LRP5: variants seen among roughly 807,000 people sequenced by gnomAD.
The protein encoded by LRP5 is LDL receptor related protein 5.
Under a neutral mutation model 154.1 loss-of-function variants are expected in LRP5, and 62 were observed. The ratio of observed to expected loss-of-function variants is 0.40; its 90% confidence interval spans 0.33 to 0.50. The LOEUF (loss-of-function observed/expected upper bound fraction) is 0.50. Among genes scored for constraint, LRP5 ranks in the 20% least tolerant of loss-of-function variants. The pLI, the probability that LRP5 is intolerant of heterozygous loss-of-function variation, is 0.55. For synonymous variants in LRP5, 966 were observed against 1,011.5 expected (o/e 0.96, Z 0.85); for missense variants, 1,915 against 2,336.7 (o/e 0.82, Z 3.72).
chr11:68,356,087 G>A (rs752609094), intron 2 of LRP5, among the ~76,000 whole-genome samples: 10 of 149,170 alleles, frequency 6.7e-5, no homozygotes, highest in African/African-American at 1.5e-4. Context: ...CTCGTGATCC[G>A]CCCATCTCGG....
intron 4 of LRP5, 51 bp downstream of exon 4, chr11:68,363,994 G>C (rs559615182): frequency 2.8e-6 from 2 of 721,818 alleles, no homozygotes; most frequent in South Asian, 3.9e-5. Flanking sequence ...TGGGGGGAGC[G>C]GGGGCGCGGG....
intron 10 of LRP5, 48 bp from the exon 11 acceptor site, chr11:68,411,388 G>A (rs758875491): frequency 1.8e-5 from 28 of 1,594,448 alleles, no homozygotes; most frequent in Middle Eastern, 2.2e-4. Context: ...ACTGTCCTGC[G>A]GTGAGAGCAG....
At chr11:68,414,759 G>A (rs1398062404) in intron 12 of LRP5, among the ~76,000 whole-genome samples, 4 of 152,134 alleles carry the variant, frequency 2.6e-5, no homozygotes, top group East Asian at 1.9e-4. Flanking sequence ...AGACCTGGTC[G>A]CAGGCGGGGC....
At position 68,441,175 on chromosome 11, in the gene LRP5, C is replaced by T. The variant is rs149258817; in HGVS notation, c.4488+1259C>T. ...CTAACTGCAGCCTCTACCTTCTAGG[C>T]TCAAGCAATCCTCCCATCTCAGCCC... On this transcript the variant is annotated intron_variant, in intron 21 of 22. Coordinates refer to ENST00000294304, the MANE Select transcript of LRP5 (RefSeq NM_002335.4). 2.6e-5 allele frequency among the ~76,000 whole-genome samples: 4 copies of T among 152,228 alleles called. No homozygotes were observed. In the East Asian group the frequency reaches 7.7e-4, roughly 29 times the overall value.
chr11:68,423,565 G>T lies in LRP5; in HGVS notation c.3104G>T (p.Ser1035Ile). 1 of 1,614,222 alleles carries T rather than the reference G, an allele frequency of 6.2e-7. No homozygotes were observed. The highest frequency in any genetic ancestry group is 8.5e-7 in the Non-Finnish European group (1 of 1,180,036). ...CACGACCTCAGCATCGACATCTACA[G>T]CCGGACACTGTTCTGGACGTGCGAG... is the stretch of plus-strand genomic sequence containing the variant. The part of the protein sequence containing the change: ...QPHDLSIDIY[S>I]RTLFWTCEAT... Residue 1035 changes from serine (S) to isoleucine (I), a missense_variant, in exon 14 of 23, where the codon AGC becomes ATC. Around this residue, in one of 3 missense-constraint regions of LRP5, gnomAD observed 1,094 missense variants for 1,210.1 expected, o/e 0.90. Transcript: ENST00000294304. This position sits in a 1 kb window ranked among gnomAD's most constrained non-coding sequence, Gnocchi z 4.7.
At chr11:68,368,687 C>G (rs2098632411) in intron 5 of LRP5, among the ~76,000 whole-genome samples, 1 of 151,970 alleles carries the variant, frequency 6.6e-6, no homozygotes, top group Admixed American at 6.6e-5. Context: ...TTTTTTGTTC[C>G]CCAGCCCTCC....
chr11:68,379,667 A>C (rs1328467281), intron 5 of LRP5, among the ~76,000 whole-genome samples: 1 of 152,212 alleles, frequency 6.6e-6, no homozygotes, highest in Non-Finnish European at 1.5e-5. Flanking sequence ...ATTGACTTGT[A>C]TGCCTTTTAA....
At chr11:68,370,532 C>T (rs370958107) in intron 5 of LRP5, among the ~76,000 whole-genome samples, 28 of 152,270 alleles carry the variant, frequency 1.8e-4, no homozygotes, top group East Asian at 1.4e-3. Context: ...GGGGTTGGAC[C>T]GCTGGACTAG....
At chr11:68,306,138 TTTC>T in the LRP5 span, among the ~76,000 whole-genome samples, 2 of 152,142 alleles carry the variant, frequency 1.3e-5, no homozygotes, top group Non-Finnish European at 2.9e-5. Flanking sequence ...TCTGTCTGCT[TTTC>T]TTTTCTTTTA....
At chr11:68,300,880 G>C in the LRP5 span, among the ~76,000 whole-genome samples, 1 of 149,092 alleles carries the variant, frequency 6.7e-6, no homozygotes, top group East Asian at 1.9e-4. Context: ...TTTCTTTACA[G>C]TGACTATCCA....
the LRP5 span, among the ~76,000 whole-genome samples, chr11:68,301,698 C>T: frequency 1.4e-5 from 2 of 143,836 alleles, 1 homozygote; most frequent in African/African-American, 5.0e-5. Flanking sequence ...TCTCGGCTCA[C>T]TGCAAGCTCC....
intron 16 of LRP5, among the ~76,000 whole-genome samples, chr11:68,426,771 G>A (rs930161255): frequency 1.3e-5 from 2 of 152,204 alleles, no homozygotes; most frequent in South Asian, 2.1e-4. Context: ...CAGGCACAGC[G>A]TGGCTCACCT....
chr11:68,420,348 C>T (rs1314111952), intron 13 of LRP5, among the ~76,000 whole-genome samples: 2 of 152,144 alleles, frequency 1.3e-5, no homozygotes, highest in Non-Finnish European at 2.9e-5. Flanking sequence ...GACATGGTGT[C>T]CTCAAGGTTC....
intron 1 of LRP5, among the ~76,000 whole-genome samples, chr11:68,328,685 C>T (rs1179017071): frequency 6.6e-6 from 1 of 152,242 alleles, no homozygotes; most frequent in African/African-American, 2.4e-5. Flanking sequence ...TCTGCACCTC[C>T]GTCCCTGGAT....
At chr11:68,303,068 C>T in the LRP5 span, among the ~76,000 whole-genome samples, 2 of 152,314 alleles carry the variant, frequency 1.3e-5, no homozygotes, top group African/African-American at 4.8e-5. Flanking sequence ...AGAGAAGGAG[C>T]TGGCCTGGCC....
At position 68,447,469 on chromosome 11, in the gene LRP5, C is replaced by T. The variant is rs568628976; in HGVS notation, c.4586+936C>T. Among the ~76,000 whole-genome samples the T allele has an allele frequency of 2.0e-5, 3 of 152,208 alleles. No homozygotes were observed. Among genetic ancestry groups the T allele is most frequent in the South Asian group, 2.1e-4 (1 of 4,820 alleles). The stretch of plus-strand genomic sequence containing the variant: ...TGCAGCCTCCATTTCCACCCCACTC[C>T]GGGTCGGGCCACCTCCCTGATGCCT... On this transcript the variant is annotated intron_variant, in intron 22 of 22. Coordinates refer to ENST00000294304, the MANE Select transcript of LRP5 (RefSeq NM_002335.4). The surrounding 1 kb of genome is among the most constrained non-coding windows in gnomAD (Gnocchi z 4.3).
At chr11:68,437,036 GCTGGGTTCC>G in intron 19 of LRP5, 37 bp downstream of exon 19, 1 of 1,572,754 alleles carries the variant, frequency 6.4e-7, no homozygotes, top group Non-Finnish European at 8.7e-7. Context: ...GGGCGTCCGG[GCTGGGTTCC>G]CCCAGGAACG....
intron 5 of LRP5, among the ~76,000 whole-genome samples, chr11:68,373,917 C>T (rs531343220): frequency 9.9e-5 from 15 of 152,224 alleles, no homozygotes; most frequent in South Asian, 6.2e-4. Context: ...GTGGGCTTAG[C>T]GGCGTGCACC....
intron 17 of LRP5, among the ~76,000 whole-genome samples, chr11:68,433,330 C>G (rs1378102724): frequency 6.6e-6 from 1 of 152,244 alleles, no homozygotes; most frequent in Non-Finnish European, 1.5e-5. Flanking sequence ...CCAGTTGGCA[C>G]CCTTTCCCTT....
Sources: allele counts gnomAD v4.1 joint callset (sites outside exome capture counted in the v4.1 genomes callset), GRCh38; gene constraint gnomAD v4.1.1; regional missense constraint gnomAD v4.1.1; non-coding constraint Gnocchi (gnomAD v3.1); transcripts MANE v1.5; gene names NCBI Gene and HGNC (gene_info 2026-07-23, HGNC 2026-07-21).